The following PLCB4 variants were observed in gnomAD, a reference collection of about 807,000 sequenced individuals.
PLCB4 encodes phospholipase C beta 4, also known as 1-phosphatidylinositol 4,5-bisphosphate phosphodiesterase beta-4.
PLCB4 carries 77 observed loss-of-function variants against 178.8 expected under a neutral mutation model. That is an observed-to-expected ratio of 0.43 (90% CI 0.36 to 0.52). PLCB4 has a LOEUF of 0.52. Ranked by LOEUF, PLCB4 falls within the 20% of genes least tolerant of loss-of-function variation. The pLI is 0.00. For missense variants in PLCB4, 1,024 were observed against 1,453.4 expected (o/e 0.70, Z 4.80); for synonymous variants, 496 against 490.8 (o/e 1.01, Z -0.14).
intron 7 of PLCB4, among the ~76,000 whole-genome samples, chr20:9,344,211 T>C (rs976353309): frequency 1.3e-5 from 2 of 152,146 alleles, no homozygotes; most frequent in African/African-American, 4.8e-5. Flanking sequence ...TGGCATTTGC[T>C]GTTCCTTCTG....
intron 1 of PLCB4, among the ~76,000 whole-genome samples, chr20:9,086,790 G>A (rs2090445176): frequency 6.6e-6 from 1 of 152,132 alleles, no homozygotes; most frequent in Admixed American, 6.6e-5. Flanking sequence ...AAGGAAATTG[G>A]GAGAAGTGAC....
In PLCB4 at chr20:9,336,465, A is replaced by C. The variant is rs182265230; in HGVS notation, c.85-661A>C. Among the ~76,000 whole-genome samples, 96 of 152,136 alleles carry C rather than the reference A, an allele frequency of 6.3e-4. 1 individual carries two copies. The highest frequency in any genetic ancestry group is 2.5e-4 in the Non-Finnish European group (17 of 68,020). ...TCAAAATTCAAAGCAATGGTTGTCA[A>C]ACTTTCGTGTGTGTTCGAATCTTCT... On this transcript the variant is annotated intron_variant, in intron 4 of 39. Coordinates refer to ENST00000378473, the MANE Select transcript of PLCB4 (RefSeq NM_001377142.1).
chr20:9,161,635 A>T (rs2146983259), intron 2 of PLCB4, among the ~76,000 whole-genome samples: 1 of 152,384 alleles, frequency 6.6e-6, no homozygotes, highest in African/African-American at 2.4e-5. Flanking sequence ...TGACTCGAAG[A>T]GACAAAAGTG....
chr20:9,407,296 T>A (rs1010121684), intron 21 of PLCB4, among the ~76,000 whole-genome samples: 1 of 152,190 alleles, frequency 6.6e-6, no homozygotes, highest in Admixed American at 6.5e-5. Context: ...CTATTTTTGA[T>A]GTTGTGCCTC....
chr20:9,283,526 A>G (rs892842146), intron 3 of PLCB4, among the ~76,000 whole-genome samples: 2 of 151,930 alleles, frequency 1.3e-5, no homozygotes, highest in African/African-American at 4.8e-5. Flanking sequence ...CGAACATTAC[A>G]TGTTGCATTT....
At position 9,459,714 on chromosome 20, in the gene PLCB4, G is replaced by A. The variant is rs150881165; in HGVS notation, c.3152G>A (p.Arg1051Gln). The A allele has an allele frequency of 1.5e-5, 24 of 1,612,376 alleles. No homozygotes were observed. The highest frequency in any genetic ancestry group is 4.0e-5 in the African/African-American group (3 of 74,868). Reference protein sequence around the residue: ...NTHSAEEQEIRDLHLSQQCEL... With the variant: ...NTHSAEEQEIQDLHLSQQCEL... ...CACAGTGCTGAGGAGCAAGAAATCC[G>A]AGACCTGCACCTCAGCCAGCAGTGT... is the stretch of plus-strand genomic sequence containing the variant. The change falls in exon 35 of 40, where the codon CGA becomes CAA. Residue 1051 changes from arginine to glutamine, a missense_variant. This residue lies in a region of PLCB4 where 264 missense variants were observed against 283.2 expected (regional missense o/e 0.93). Transcript: ENST00000378473.
intron 2 of PLCB4, among the ~76,000 whole-genome samples, chr20:9,188,346 T>G (rs2147124278): frequency 6.6e-6 from 1 of 152,212 alleles, no homozygotes; most frequent in Non-Finnish European, 1.5e-5. Context: ...TGTGTGGGAG[T>G]CACTTGTCAT....
chr20:9,407,118 A>G (rs2039498206), intron 21 of PLCB4, among the ~76,000 whole-genome samples: 1 of 152,196 alleles, frequency 6.6e-6, no homozygotes, highest in Admixed American at 6.5e-5. Flanking sequence ...ACAGTGAAAC[A>G]TAGTCCCCAA....
intron 3 of PLCB4, among the ~76,000 whole-genome samples, chr20:9,273,413 A>G (rs1000169004): frequency 5.9e-5 from 9 of 152,104 alleles, no homozygotes; most frequent in Non-Finnish European, 8.8e-5. Context: ...TCACACAGTT[A>G]TAAAAGGCAT....
chr20:9,403,389 CA>C (rs1467627677), intron 20 of PLCB4, among the ~76,000 whole-genome samples: 2 of 152,002 alleles, frequency 1.3e-5, no homozygotes, highest in Non-Finnish European at 2.9e-5. Flanking sequence ...GGAAATTAGG[CA>C]GTGACACCAA....
At chr20:9,365,316 C>G (rs1374691659) in intron 8 of PLCB4, 145 bp from the exon 9 acceptor site, 2 of 558,088 alleles carry the variant, frequency 3.6e-6, no homozygotes, top group Admixed American at 3.4e-5. Flanking sequence ...TCTGACAACC[C>G]TAAATTCATC....
At chr20:9,282,811 T>C (rs2094505474) in intron 3 of PLCB4, among the ~76,000 whole-genome samples, 1 of 152,008 alleles carries the variant, frequency 6.6e-6, no homozygotes, top group South Asian at 2.1e-4. Flanking sequence ...CTCACTTTAT[T>C]TGGGGCCTCA....
At chr20:9,382,223 A>T (rs2037202880) in intron 13 of PLCB4, among the ~76,000 whole-genome samples, 1 of 152,126 alleles carries the variant, frequency 6.6e-6, no homozygotes, top group African/African-American at 2.4e-5. Context: ...GCCTCAAAAG[A>T]AATCCTAAAT....
intron 4 of PLCB4, among the ~76,000 whole-genome samples, chr20:9,310,023 T>G (rs1228781979): frequency 6.6e-6 from 1 of 152,206 alleles, no homozygotes; most frequent in Non-Finnish European, 1.5e-5. Flanking sequence ...CATTTTAACT[T>G]TATAAAGCAA....
chr20:9,193,319 C>T (rs2147149445), intron 2 of PLCB4, among the ~76,000 whole-genome samples: 1 of 152,306 alleles, frequency 6.6e-6, no homozygotes, highest in South Asian at 2.1e-4. Context: ...CTATGTGCAA[C>T]TAGGGCCTAA....
At position 9,473,265 on chromosome 20, in the gene PLCB4, T is replaced by G; in HGVS notation, c.3409-14T>G. On this transcript the variant is annotated splice_polypyrimidine_tract_variant and intron_variant, in intron 37 of 39. Transcript: ENST00000378473. ...AAAGTTCAATCAGAATTTTTTTTTT[T>G]TTTTTTTTTGCAGCTTGCCATGAAG... is the stretch of plus-strand genomic sequence containing the variant. 2 of 1,502,358 alleles carry G rather than the reference T, an allele frequency of 1.3e-6. No individual in the cohort carries two copies. The highest frequency in any genetic ancestry group is 8.9e-7 in the Non-Finnish European group (1 of 1,126,184). 93.1% of individuals were successfully genotyped at this position (1,502,358 alleles called of 1,614,324 possible). A position where few individuals can be genotyped will look rare whatever the true frequency, so the allele number is the denominator to read the frequency against.
chr20:9,132,280 ATGTT>A (rs1320808273), intron 2 of PLCB4, among the ~76,000 whole-genome samples: 3 of 140,850 alleles, frequency 2.1e-5, no homozygotes, highest in Non-Finnish European at 4.5e-5. Flanking sequence ...CAAGGGCATA[ATGTT>A]TGTGTGTGTG....
intron 7 of PLCB4, among the ~76,000 whole-genome samples, chr20:9,351,940 C>A (rs1271995747): frequency 6.6e-6 from 1 of 152,176 alleles, no homozygotes; most frequent in Non-Finnish European, 1.5e-5. Context: ...TCTATGAACA[C>A]CTTTTAATTC....
chr20:9,164,097 T>G (rs1171480263), intron 2 of PLCB4, among the ~76,000 whole-genome samples: 2 of 152,232 alleles, frequency 1.3e-5, no homozygotes, highest in Non-Finnish European at 2.9e-5. Flanking sequence ...ACTTTTTCAA[T>G]AAACTTGTTT....
Sources: allele counts gnomAD v4.1 joint callset (sites outside exome capture counted in the v4.1 genomes callset), GRCh38; gene constraint gnomAD v4.1.1; regional missense constraint gnomAD v4.1.1; transcripts MANE v1.5; gene names NCBI Gene and HGNC (gene_info 2026-07-23, HGNC 2026-07-21).